The following VPS13B variants were observed in gnomAD, a reference collection of about 807,000 sequenced individuals.
The protein encoded by VPS13B is vacuolar protein sorting 13 homolog B.
Under a neutral mutation model 426.4 loss-of-function variants are expected in VPS13B, and 285 were observed. The observed-to-expected ratio is 0.67, with a 90% CI of 0.61 to 0.74. VPS13B has a LOEUF of 0.74. Among genes scored for constraint, VPS13B ranks in the 30% least tolerant of loss-of-function variants. VPS13B has a pLI of 0.00. For synonymous variants in VPS13B, 1,676 were observed against 1,676.4 expected, an observed-to-expected ratio of 1.00 and a Z score of 0.01; for missense variants, 4,537 against 4,782.6, an observed-to-expected ratio of 0.95 and a Z score of 1.51.
chr8:99,791,529 T>C (rs918986901), intron 43 of VPS13B, among the ~76,000 whole-genome samples: 3 of 152,162 alleles, frequency 2.0e-5, no homozygotes, highest in East Asian at 3.9e-4. Context: ...AAAGTTCTAC[T>C]AATGTATTTG....
intron 19 of VPS13B, among the ~76,000 whole-genome samples, chr8:99,285,653 G>A (rs187527377): frequency 2.0e-5 from 3 of 152,146 alleles, no homozygotes; most frequent in African/African-American, 4.8e-5. Context: ...TAGCTTTTGT[G>A]TTTAAGACCC....
chr8:99,260,418 T>C (rs1006584423), intron 17 of VPS13B, among the ~76,000 whole-genome samples: 1 of 152,044 alleles, frequency 6.6e-6, no homozygotes, highest in Non-Finnish European at 1.5e-5. Flanking sequence ...GAAACTCTGG[T>C]GTGCTAAAGA....
intron 17 of VPS13B, among the ~76,000 whole-genome samples, chr8:99,218,132 A>G (rs765400491): frequency 2.6e-5 from 4 of 152,174 alleles, no homozygotes; most frequent in Non-Finnish European, 4.4e-5. Context: ...AGCGTTCACA[A>G]TAAGTGTATC....
intron 16 of VPS13B, among the ~76,000 whole-genome samples, chr8:99,182,338 G>A (rs931793140): frequency 2.8e-4 from 42 of 152,112 alleles, no homozygotes; most frequent in Admixed American, 2.8e-3. Context: ...GAAGGAGGAA[G>A]GATTGATTGG....
intron 28 of VPS13B, among the ~76,000 whole-genome samples, chr8:99,509,132 A>G (rs769994333): frequency 2.0e-5 from 3 of 152,148 alleles, no homozygotes; most frequent in Non-Finnish European, 2.9e-5. Context: ...AACAGACAAC[A>G]TCACTGTGAT....
intron 17 of VPS13B, among the ~76,000 whole-genome samples, chr8:99,254,151 A>G (rs1416837251): frequency 6.6e-6 from 1 of 152,156 alleles, no homozygotes; most frequent in African/African-American, 2.4e-5. Context: ...CTCTCCTGAT[A>G]TCCCAAAAAT....
chr8:99,453,151 G>A (rs1818279918), intron 23 of VPS13B, among the ~76,000 whole-genome samples: 2 of 152,170 alleles, frequency 1.3e-5, no homozygotes, highest in South Asian at 4.1e-4. Context: ...AAAAACACAG[G>A]GGCTGCTTTT....
intron 19 of VPS13B, among the ~76,000 whole-genome samples, chr8:99,310,762 G>C (rs982154218): frequency 6.6e-6 from 1 of 152,122 alleles, no homozygotes; most frequent in Non-Finnish European, 1.5e-5. Flanking sequence ...AGAAGGAATG[G>C]TACCAGCTCC....
intron 35 of VPS13B, among the ~76,000 whole-genome samples, chr8:99,691,562 A>G (rs1047339992): frequency 3.3e-5 from 5 of 152,086 alleles, no homozygotes; most frequent in African/African-American, 1.2e-4. Flanking sequence ...CTGATAAGAA[A>G]ATACAGTGTC....
intron 25 of VPS13B, among the ~76,000 whole-genome samples, chr8:99,489,983 G>C (rs1033524471): frequency 5.3e-5 from 8 of 152,170 alleles, no homozygotes; most frequent in African/African-American, 1.9e-4. Flanking sequence ...TCTTGTGCCA[G>C]TTTTCAAAGG....
chr8:99,824,660 A>G (rs1814571229), intron 51 of VPS13B, among the ~76,000 whole-genome samples: 1 of 150,924 alleles, frequency 6.6e-6, no homozygotes, highest in African/African-American at 2.4e-5. Context: ...GGTTTGTTAC[A>G]TAGGTATACA....
intron 33 of VPS13B, among the ~76,000 whole-genome samples, chr8:99,635,109 T>A (rs537735175): frequency 4.6e-5 from 7 of 152,096 alleles, no homozygotes; most frequent in East Asian, 3.9e-4. Flanking sequence ...GTTTACACAA[T>A]GAGGTGCATA....
chr8:99,397,145 A>C (rs1055222284), intron 21 of VPS13B, among the ~76,000 whole-genome samples: 3 of 151,922 alleles, frequency 2.0e-5, no homozygotes, highest in Admixed American at 1.3e-4. Context: ...TTTCTTCTTT[A>C]TTTATTTATT....
At chr8:99,370,958 G>T (rs563039515) in intron 19 of VPS13B, among the ~76,000 whole-genome samples, 1 of 152,140 alleles carries the variant, frequency 6.6e-6, no homozygotes, top group East Asian at 1.9e-4. Context: ...GTAGGTTTTG[G>T]AATATTAAAA....
chr8:99,465,577 A>T (rs1819071914), intron 23 of VPS13B, among the ~76,000 whole-genome samples: 2 of 152,104 alleles, frequency 1.3e-5, no homozygotes, highest in Non-Finnish European at 2.9e-5. Flanking sequence ...ACCACCATTT[A>T]GCATTTCTTG....
intron 34 of VPS13B, among the ~76,000 whole-genome samples, chr8:99,651,576 A>G (rs1829814711): frequency 6.6e-6 from 1 of 152,112 alleles, no homozygotes; most frequent in South Asian, 2.1e-4. Context: ...CAGCACCTTT[A>G]TACATAGCAG....
At chr8:99,015,967 G>T (rs527493110) in intron 2 of VPS13B, among the ~76,000 whole-genome samples, 1 of 152,296 alleles carries the variant, frequency 6.6e-6, no homozygotes, top group African/African-American at 2.4e-5. Context: ...TGTCAACATA[G>T]ATAAGTTTTA....
chr8:99,824,006 C>T, intron 51 of VPS13B, 28 bp downstream of exon 51: 1 of 1,607,654 alleles, frequency 6.2e-7, no homozygotes, highest in Non-Finnish European at 8.5e-7. Context: ...ATTCTTTTGT[C>T]TAAGTTTTGA....
At chr8:99,533,571 T>A (rs1209191067) in intron 30 of VPS13B, among the ~76,000 whole-genome samples, 4 of 152,196 alleles carry the variant, frequency 2.6e-5, no homozygotes, top group Admixed American at 2.6e-4. Flanking sequence ...GTTTTACATA[T>A]ATACTTTAAC....
Sources: gnomAD v4.1 joint callset for allele counts (sites outside exome capture counted in the v4.1 genomes callset) on GRCh38, gnomAD v4.1.1 for gene constraint, MANE v1.5 for transcripts, NCBI Gene and HGNC (gene_info 2026-07-23, HGNC 2026-07-21) for gene names.